RANBP2: variants seen among roughly 807,000 people sequenced by gnomAD.
RANBP2 encodes the protein E3 SUMO-protein ligase RanBP2.
In RANBP2, 57 loss-of-function variants were observed where a neutral mutation model predicts 303.6. The observed-to-expected ratio is 0.19, with a 90% CI of 0.15 to 0.23. The LOEUF is 0.23. Ranked by LOEUF, RANBP2 falls within the 10% of genes least tolerant of loss-of-function variation. The pLI is 1.00. For synonymous variants in RANBP2, 1,167 were observed against 1,301.5 expected (o/e 0.90, Z 2.23); for missense variants, 3,138 against 3,780.8 (o/e 0.83, Z 4.46).
chr2:109,577,843 GGGGA>G, the RANBP2 span, among the ~76,000 whole-genome samples: 1 of 150,744 alleles, frequency 6.6e-6, no homozygotes, highest in Non-Finnish European at 1.5e-5. Context: ...AACCCAGGAG[GGGGA>G]GGTTACAGTG....
chr2:109,452,802 GCTGGGAGGCTGGTT>G, the RANBP2 span, among the ~76,000 whole-genome samples: 81 of 147,238 alleles, frequency 5.5e-4, no homozygotes, highest in Admixed American at 8.1e-4. Context: ...GGAGGCTGGT[GCTGGGAGGCTGGTT>G]CTGGGAGGCT....
the RANBP2 span, among the ~76,000 whole-genome samples, chr2:108,927,007 T>C: frequency 3.3e-5 from 5 of 152,186 alleles, no homozygotes; most frequent in African/African-American, 1.2e-4. Flanking sequence ...GGGGGCAGCA[T>C]GAGCCCCTGA....
rs1010718223 is a variant in RANBP2, at chr2:108,719,731, C to T, written c.72+53C>T. The T allele has an allele frequency of 7.9e-5, 123 of 1,552,450 alleles. No individual in the cohort carries two copies. The Admixed American group carries it at 2.2e-3, about 28-fold the overall frequency. The stretch of plus-strand genomic sequence containing the variant: ...CCTCGACCTGGCCGGGCGGCGGCCT[C>T]GCGCTGCTCAGGCGTCATGGCTCCC... On this transcript the variant is annotated intron_variant, in intron 1 of 28. Coordinates refer to ENST00000283195, the MANE Select transcript of RANBP2 (RefSeq NM_006267.5).
the RANBP2 span, among the ~76,000 whole-genome samples, chr2:108,935,218 T>C: frequency 1.2e-4 from 18 of 152,100 alleles, no homozygotes; most frequent in Non-Finnish European, 2.2e-4. Context: ...TCAATTCCCA[T>C]CTAGAATGAT....
At chr2:109,105,334 G>A in the RANBP2 span, among the ~76,000 whole-genome samples, 1 of 152,156 alleles carries the variant, frequency 6.6e-6, no homozygotes, top group Admixed American at 6.5e-5. Flanking sequence ...TAAACACATT[G>A]CACATACGGC....
At chr2:109,226,720 C>T in the RANBP2 span, among the ~76,000 whole-genome samples, 1 of 152,176 alleles carries the variant, frequency 6.6e-6, no homozygotes, top group African/African-American at 2.4e-5. Flanking sequence ...AGGATCTCCA[C>T]GCAGAAGGCG....
chr2:109,060,275 G>A, the RANBP2 span, among the ~76,000 whole-genome samples: 1 of 152,168 alleles, frequency 6.6e-6, no homozygotes, highest in Admixed American at 6.6e-5. Context: ...GCAACATAAG[G>A]AAATGAGCTG....
the RANBP2 span, among the ~76,000 whole-genome samples, chr2:108,886,539 C>T: frequency 6.0e-4 from 92 of 152,236 alleles, no homozygotes; most frequent in South Asian, 1.0e-3. Flanking sequence ...CTCAGCCTCC[C>T]GAGTAGCTGG....
the RANBP2 span, among the ~76,000 whole-genome samples, chr2:109,341,377 T>C: frequency 6.6e-6 from 1 of 152,174 alleles, no homozygotes; most frequent in Admixed American, 6.5e-5. Flanking sequence ...AGGCCAAGAG[T>C]TGTGCCTTTT....
the RANBP2 span, among the ~76,000 whole-genome samples, chr2:109,580,100 G>T: frequency 1.3e-4 from 20 of 151,874 alleles, no homozygotes; most frequent in African/African-American, 4.6e-4. Flanking sequence ...CAGCCTGGGC[G>T]ACAAGAGTGA....
the RANBP2 span, among the ~76,000 whole-genome samples, chr2:109,076,091 G>A: frequency 1.3e-5 from 2 of 150,330 alleles, no homozygotes; most frequent in Admixed American, 6.6e-5. Context: ...TTTATACATT[G>A]TGACTAAAGT....
chr2:109,347,377 C>G, the RANBP2 span, among the ~76,000 whole-genome samples: 1 of 152,134 alleles, frequency 6.6e-6, no homozygotes, highest in African/African-American at 2.4e-5. Flanking sequence ...GACAAGCCAG[C>G]ACCTACTTCA....
the RANBP2 span, among the ~76,000 whole-genome samples, chr2:109,199,940 G>A: frequency 2.8e-5 from 4 of 140,360 alleles, no homozygotes. Context: ...TGTACAGCAC[G>A]TGTCCCCAGG....
chr2:108,924,567 C>A, the RANBP2 span, among the ~76,000 whole-genome samples: 1 of 152,192 alleles, frequency 6.6e-6, no homozygotes, highest in Non-Finnish European at 1.5e-5. Context: ...ATTAGCCAGG[C>A]CCCATGGAGG....
chr2:109,368,370 T>C, the RANBP2 span, among the ~76,000 whole-genome samples: 2 of 152,234 alleles, frequency 1.3e-5, no homozygotes, highest in Non-Finnish European at 2.9e-5. Flanking sequence ...TATTTTCTTC[T>C]TGGACATTCA....
chr2:109,598,434 T>C, the RANBP2 span, among the ~76,000 whole-genome samples: 1 of 152,152 alleles, frequency 6.6e-6, no homozygotes, highest in Non-Finnish European at 1.5e-5. Flanking sequence ...GTCCAAAATA[T>C]AGAACCAAAG....
chr2:109,419,138 C>T, the RANBP2 span, among the ~76,000 whole-genome samples: 1 of 152,174 alleles, frequency 6.6e-6, no homozygotes, highest in East Asian at 1.9e-4. Context: ...ATCTCCAGTT[C>T]CTGGGGACGC....
intron 8 of RANBP2, among the ~76,000 whole-genome samples, chr2:108,748,429 G>GAAACT (rs1675562432): frequency 2.0e-5 from 3 of 147,576 alleles, no homozygotes; most frequent in Admixed American, 6.9e-5. Flanking sequence ...CACTGTGTTA[G>GAAACT]CCAGGATGGT....
chr2:109,362,751 T>G, the RANBP2 span, among the ~76,000 whole-genome samples: 2 of 152,346 alleles, frequency 1.3e-5, no homozygotes, highest in East Asian at 1.9e-4. Context: ...TTGACACTGT[T>G]GTTAGGTGCG....
Sources: allele counts gnomAD v4.1 joint callset (sites outside exome capture counted in the v4.1 genomes callset), GRCh38; gene constraint gnomAD v4.1.1; transcripts MANE v1.5; gene names NCBI Gene and HGNC (gene_info 2026-07-23, HGNC 2026-07-21).